PAWR: variants seen among roughly 807,000 people sequenced by gnomAD.
PAWR encodes pro-apoptotic WT1 regulator, also known as PRKC apoptosis WT1 regulator protein.
A neutral mutation model predicts 32.0 loss-of-function variants in PAWR; 23 were observed. The ratio of observed to expected loss-of-function variants is 0.72; its 90% CI spans 0.52 to 1.02. PAWR has a LOEUF of 1.02. Ranked by LOEUF, PAWR falls within the 50% of genes least tolerant of loss-of-function variation. The pLI is 0.00. For missense variants in PAWR, 457 were observed against 437.7 expected, an observed-to-expected ratio of 1.04 and a Z score of -0.39; for synonymous variants, 226 against 187.1, an observed-to-expected ratio of 1.21 and a Z score of -1.70.
rs531170340 is a variant in PAWR, at chr12:79,678,533, G to A, written c.516+11196C>T. On this transcript the variant is annotated intron_variant, in intron 2 of 6. Coordinates refer to ENST00000328827, the MANE Select transcript of PAWR (RefSeq NM_002583.4). Reference sequence around the variant, plus strand: ...CCAAGTTCTGCCAGGATGGCCTTTGGGCAAGTCATAACTTCTTTGAGGCTC... The same window carrying A: ...CCAAGTTCTGCCAGGATGGCCTTTGAGCAAGTCATAACTTCTTTGAGGCTC... Among the ~76,000 whole-genome samples the A allele has an allele frequency of 3.9e-5, 6 of 152,270 alleles. 1 individual carries two copies. Among genetic ancestry groups the A allele is most frequent in the Middle Eastern group, 6.8e-3 (2 of 292 alleles).
At chr12:79,597,277 C>A (rs1873799137) in intron 4 of PAWR, among the ~76,000 whole-genome samples, 1 of 151,980 alleles carries the variant, frequency 6.6e-6, no homozygotes, top group Non-Finnish European at 1.5e-5. Context: ...GTTGCCCAGG[C>A]TGGTCTCAAA....
Position 79,690,121 on chromosome 12 carries a change from G to A in PAWR, c.124C>T (p.Pro42Ser). The A allele has an allele frequency of 2.0e-6, 3 of 1,502,930 alleles. No homozygotes were observed. The highest frequency in any genetic ancestry group is 2.7e-6 in the Non-Finnish European group (3 of 1,129,120). 93.1% of individuals were successfully genotyped at this position (1,502,930 alleles called of 1,614,324 possible). ...AKQNPPGPAP[P>S]GGGSSDAAGK... ...GCGGCGTCGCTGCTGCCCCCTCCCGGGGGGGCCGGGCCCGGGGGGTTCTGC... is the reference window on the plus strand; with the variant it reads ...GCGGCGTCGCTGCTGCCCCCTCCCGAGGGGGCCGGGCCCGGGGGGTTCTGC... The change falls in exon 2 of 7, where the codon CCG becomes TCG. Residue 42 changes from proline to serine, a missense_variant. Pro to Ser is a moderately conservative substitution (Grantham distance 74). Transcript: ENST00000328827.
chr12:79,606,440 A>C (rs946619790), intron 4 of PAWR, among the ~76,000 whole-genome samples: 2 of 152,174 alleles, frequency 1.3e-5, no homozygotes, highest in Non-Finnish European at 2.9e-5. Context: ...GACACCAAAT[A>C]CTATAACATG....
chr12:79,606,157 C>T (rs1874174314), intron 4 of PAWR, among the ~76,000 whole-genome samples: 1 of 152,080 alleles, frequency 6.6e-6, no homozygotes, highest in African/African-American at 2.4e-5. Context: ...ATAGACAAAT[C>T]TATAAGGACA....
intron 3 of PAWR, among the ~76,000 whole-genome samples, chr12:79,617,066 C>T (rs762502985): frequency 6.6e-6 from 1 of 152,018 alleles, no homozygotes; most frequent in Non-Finnish European, 1.5e-5. Context: ...TATAGTGATT[C>T]TTGTTTTTTG....
chr12:79,628,977 T>G (rs913155815), intron 2 of PAWR, among the ~76,000 whole-genome samples: 12 of 151,978 alleles, frequency 7.9e-5, no homozygotes, highest in South Asian at 4.1e-4. Flanking sequence ...TACATATATA[T>G]AGATATTTAA....
chr12:79,659,995 A>G (rs1446600086), intron 2 of PAWR, among the ~76,000 whole-genome samples: 1 of 152,240 alleles, frequency 6.6e-6, no homozygotes, highest in African/African-American at 2.4e-5. Context: ...AGGAAATAAT[A>G]GTAAAAAGAA....
rs1318005544 is a variant in PAWR at position 79,590,295 on chromosome 12, G to A, written c.*2312C>T. The A allele has an allele frequency of 6.6e-6, 1 of 151,734 alleles. No individual in the cohort carries two copies. Among genetic ancestry groups the A allele is most frequent in the Non-Finnish European group, 1.5e-5 (1 of 68,008 alleles). The allele number at this position is 151,734 out of a possible 1,614,324, so 9.4% of individuals were successfully genotyped here. ...GCTCACCGCAACCTCTGTCTCCTGG[G>A]TTTTCAAGCGATTCTCCTGCCTCAG... On this transcript the variant is annotated 3_prime_UTR_variant, in exon 7 of 7. Coordinates refer to ENST00000328827, the MANE Select transcript of PAWR (RefSeq NM_002583.4).
In PAWR at chr12:79,689,614, A is replaced by G. The variant is rs1878867042; in HGVS notation, c.516+115T>C. ...CCTGCCTGCCTAACTCGGTGAAGGG[A>G]CAAGTACGAGCCAGGGGAGGTAAAC... On this transcript the variant is annotated intron_variant, in intron 2 of 6. Transcript: ENST00000328827. 6 of 1,169,666 alleles carry G rather than the reference A, an allele frequency of 5.1e-6. No individual in the cohort carries two copies. The Admixed American group carries it at 1.6e-4, about 30-fold the overall frequency. The allele number at this position is 1,169,666 out of a possible 1,614,324, so 72.5% of individuals were successfully genotyped here.
At chr12:79,661,451 C>T (rs986196690) in intron 2 of PAWR, among the ~76,000 whole-genome samples, 2 of 151,948 alleles carry the variant, frequency 1.3e-5, no homozygotes, top group African/African-American at 4.8e-5. Context: ...AAAATATCTC[C>T]AGAAGGATAC....
chr12:79,588,217 C>T lies in PAWR; in HGVS notation c.*4390G>A, dbSNP rs558079572. On this transcript the variant is annotated 3_prime_UTR_variant, in exon 7 of 7. Transcript: ENST00000328827. ...ATCATCACTAACATTCTATTATTACCAGAGTAACTGTCGATATGTGAACTG... is the reference window on the plus strand; with the variant it reads ...ATCATCACTAACATTCTATTATTACTAGAGTAACTGTCGATATGTGAACTG... 1 of 152,036 alleles carries T rather than the reference C, an allele frequency of 6.6e-6. No homozygotes were observed. Among genetic ancestry groups the T allele is most frequent in the African/African-American group, 2.4e-5 (1 of 41,526 alleles). The allele number at this position is 152,036 out of a possible 1,614,324, so 9.4% of individuals were successfully genotyped here.
At chr12:79,648,840 T>G (rs1157113359) in intron 2 of PAWR, among the ~76,000 whole-genome samples, 2 of 151,944 alleles carry the variant, frequency 1.3e-5, no homozygotes, top group African/African-American at 4.8e-5. Context: ...GCAATTAACT[T>G]CTCTAAGTTT....
At chr12:79,610,762 T>TAA (rs1197221659) in intron 4 of PAWR, among the ~76,000 whole-genome samples, 2 of 88,986 alleles carry the variant, frequency 2.2e-5, no homozygotes, top group Non-Finnish European at 4.9e-5. Flanking sequence ...TACCAAAAAT[T>TAA]AAAAAAAAAA....
intron 2 of PAWR, among the ~76,000 whole-genome samples, chr12:79,632,332 TATATATATATATATATATATA>T (rs1875710427): frequency 2.1e-5 from 1 of 48,774 alleles, no homozygotes; most frequent in African/African-American, 2.9e-4. Context: ...TATATATATA[TATATATATATATATATATATA>T]TATATATATT....
rs1054791576 is a variant in PAWR, at chr12:79,591,280, C to T, written c.*1327G>A. 2 of 152,152 alleles carry T rather than the reference C, an allele frequency of 1.3e-5. No homozygotes were observed. The highest frequency in any genetic ancestry group is 4.8e-5 in the African/African-American group (2 of 41,440). The allele number at this position is 152,152 out of a possible 1,614,324, so 9.4% of individuals were successfully genotyped here. ...CATTTTCCCCCAGCTGTCTCACCTT[C>T]TCTATTTTTCTAACAGTGAACAATA... On this transcript the variant is annotated 3_prime_UTR_variant, in exon 7 of 7. Coordinates refer to ENST00000328827, the MANE Select transcript of PAWR (RefSeq NM_002583.4).
intron 4 of PAWR, among the ~76,000 whole-genome samples, chr12:79,610,793 C>T (rs1874399788): frequency 6.8e-6 from 1 of 147,978 alleles, no homozygotes; most frequent in Admixed American, 6.7e-5. Flanking sequence ...GAAAATTACA[C>T]ATTGAAAAAA....
chr12:79,630,345 G>T (rs1301178277), intron 2 of PAWR, among the ~76,000 whole-genome samples: 1 of 151,790 alleles, frequency 6.6e-6, no homozygotes, highest in Admixed American at 6.6e-5. Flanking sequence ...AGTCACCCAG[G>T]CTGGAGTGCA....
At position 79,586,765 on chromosome 12, in the gene PAWR, T is replaced by C. The variant is rs1378942811; in HGVS notation, c.*5842A>G. The C allele has an allele frequency of 2.6e-5, 4 of 152,158 alleles. No individual in the cohort carries two copies. The allele number at this position is 152,158 out of a possible 1,614,324, so 9.4% of individuals were successfully genotyped here. On this transcript the variant is annotated 3_prime_UTR_variant, in exon 7 of 7. Transcript: ENST00000328827. Reference sequence around the variant, plus strand: ...TTTCTTTAAAAGGATTTTGATTCAGTCATAACAGATTTTTGAAAGTGACAG... The same window carrying C: ...TTTCTTTAAAAGGATTTTGATTCAGCCATAACAGATTTTTGAAAGTGACAG...
At chr12:79,600,558 G>A (rs1311068570) in intron 4 of PAWR, among the ~76,000 whole-genome samples, 1 of 150,876 alleles carries the variant, frequency 6.6e-6, no homozygotes, top group East Asian at 2.0e-4. Context: ...CTGCAGCCTT[G>A]AAACCTCAAA....
Sources: gnomAD v4.1 joint callset for allele counts (sites outside exome capture counted in the v4.1 genomes callset) on GRCh38, gnomAD v4.1.1 for gene constraint, MANE v1.5 for transcripts, NCBI Gene and HGNC (gene_info 2026-07-23, HGNC 2026-07-21) for gene names.